The following ZDHHC14 variants were observed in gnomAD, a reference collection of about 807,000 sequenced individuals.
ZDHHC14 encodes palmitoyltransferase ZDHHC14.
Under a neutral mutation model 47.7 loss-of-function variants are expected in ZDHHC14, and 16 were observed. That is an observed-to-expected ratio of 0.34 (90% CI 0.23 to 0.51). The LOEUF (loss-of-function observed/expected upper bound fraction) is 0.51, where lower values mean the gene tolerates loss of function less well. ZDHHC14 is among the 20% of genes least tolerant of loss of function. ZDHHC14 has a pLI of 0.97. For missense variants in ZDHHC14, 515 were observed against 662.5 expected, an observed-to-expected ratio of 0.78 and a Z score of 2.44; for synonymous variants, 293 against 278.9, an observed-to-expected ratio of 1.05 and a Z score of -0.50.
intron 1 of ZDHHC14, among the ~76,000 whole-genome samples, chr6:157,387,902 G>C (rs888759301): frequency 6.6e-6 from 1 of 152,036 alleles, no homozygotes; most frequent in Non-Finnish European, 1.5e-5. Flanking sequence ...GTAAACCTCT[G>C]TACATTAATA....
intron 1 of ZDHHC14, among the ~76,000 whole-genome samples, chr6:157,513,213 C>T (rs530584340): frequency 6.6e-6 from 1 of 152,338 alleles, no homozygotes; most frequent in South Asian, 2.1e-4. Flanking sequence ...TTACTGTTCT[C>T]TGTAAGATGA....
At chr6:157,479,556 G>C (rs1313898353) in intron 1 of ZDHHC14, among the ~76,000 whole-genome samples, 1 of 152,164 alleles carries the variant, frequency 6.6e-6, no homozygotes, top group Middle Eastern at 3.2e-3. Flanking sequence ...TTTTCCACAG[G>C]AACAGCCCTC....
At chr6:157,535,332 T>C (rs1781508589) in intron 1 of ZDHHC14, among the ~76,000 whole-genome samples, 1 of 152,174 alleles carries the variant, frequency 6.6e-6, no homozygotes, top group African/African-American at 2.4e-5. Context: ...AAACCAGATT[T>C]CCTAAGTGAC....
At chr6:157,646,617 A>C (rs1242694958) in intron 6 of ZDHHC14, among the ~76,000 whole-genome samples, 5 of 151,356 alleles carry the variant, frequency 3.3e-5, no homozygotes, top group African/African-American at 9.7e-5. Flanking sequence ...CATCTCAAAA[A>C]AAAAAAAAAA....
In ZDHHC14 at chr6:157,427,706, T is replaced by C. The variant is rs1012796519; in HGVS notation, c.245+45440T>C. ...GTGGCTTGGATTTTCTTTTCAGAAA[T>C]GGCAGATGCGCTAGGGCTGTTCCTC... On this transcript the variant is annotated intron_variant, in intron 1 of 8. Coordinates refer to ENST00000359775, the MANE Select transcript of ZDHHC14 (RefSeq NM_024630.3). This position sits in a 1 kb window ranked among gnomAD's most constrained non-coding sequence, Gnocchi z 4.4. Among the ~76,000 whole-genome samples the C allele has an allele frequency of 2.0e-5, 3 of 152,072 alleles. No homozygotes were observed. The highest frequency in any genetic ancestry group is 2.9e-5 in the Non-Finnish European group (2 of 68,002).
intron 1 of ZDHHC14, among the ~76,000 whole-genome samples, chr6:157,522,085 T>TTG (rs1780936750): frequency 6.6e-6 from 1 of 151,764 alleles, no homozygotes; most frequent in African/African-American, 2.4e-5. Context: ...TGGTGGTGAA[T>TTG]TTGCCCTTCT....
At chr6:157,493,241 G>T (rs1345778456) in intron 1 of ZDHHC14, among the ~76,000 whole-genome samples, 1 of 152,244 alleles carries the variant, frequency 6.6e-6, no homozygotes, top group East Asian at 1.9e-4. Context: ...AAGGATGAAA[G>T]GGGGAGGCGG....
At chr6:157,532,318 T>A (rs1443209342) in intron 1 of ZDHHC14, among the ~76,000 whole-genome samples, 1 of 152,272 alleles carries the variant, frequency 6.6e-6, no homozygotes, top group Non-Finnish European at 1.5e-5. Flanking sequence ...TGTTGAGCAA[T>A]TCATTGCCAA....
intron 1 of ZDHHC14, among the ~76,000 whole-genome samples, chr6:157,389,093 A>G (rs1777372235): frequency 6.6e-6 from 1 of 152,064 alleles, no homozygotes; most frequent in African/African-American, 2.4e-5. Flanking sequence ...TGGATTTAAC[A>G]TAAGATAGCA....
At chr6:157,528,585 A>T (rs1781249224) in intron 1 of ZDHHC14, among the ~76,000 whole-genome samples, 1 of 152,064 alleles carries the variant, frequency 6.6e-6, no homozygotes, top group South Asian at 2.1e-4. Context: ...CAAAGAAATT[A>T]GCCAGGCGTG....
intron 1 of ZDHHC14, among the ~76,000 whole-genome samples, chr6:157,428,291 C>A (rs1778262523): frequency 6.6e-6 from 1 of 152,124 alleles, no homozygotes; most frequent in Non-Finnish European, 1.5e-5. Flanking sequence ...CTTGCCAGCT[C>A]CTCTGCCATA....
intron 1 of ZDHHC14, among the ~76,000 whole-genome samples, chr6:157,509,982 C>T (rs145147809): frequency 0.028 from 4,271 of 152,308 alleles, 178 homozygotes; most frequent in African/African-American, 0.097. Context: ...CGGTGGCTCA[C>T]GCCTGTAATC....
At chr6:157,481,180 A>T (rs1328328050) in intron 1 of ZDHHC14, among the ~76,000 whole-genome samples, 1 of 152,178 alleles carries the variant, frequency 6.6e-6, no homozygotes, top group Non-Finnish European at 1.5e-5. Context: ...TTTTCCATGT[A>T]AAACATGGAG....
At chr6:157,650,910 C>T (rs1285354318) in intron 7 of ZDHHC14, among the ~76,000 whole-genome samples, 1 of 152,166 alleles carries the variant, frequency 6.6e-6, no homozygotes, top group African/African-American at 2.4e-5. Flanking sequence ...TTTGGTCCCC[C>T]ACCAATGCTC....
At chr6:157,467,379 T>C (rs1779244415) in intron 1 of ZDHHC14, among the ~76,000 whole-genome samples, 1 of 152,114 alleles carries the variant, frequency 6.6e-6, no homozygotes, top group Admixed American at 6.5e-5. Context: ...TCTGTCTCTA[T>C]AGATTTGTCT....
intron 1 of ZDHHC14, among the ~76,000 whole-genome samples, chr6:157,477,608 C>A (rs944007368): frequency 3.3e-5 from 5 of 151,894 alleles, no homozygotes; most frequent in Admixed American, 3.3e-4. Flanking sequence ...ACATTTATTT[C>A]TTTTCTTTTA....
At chr6:157,605,775 A>G (rs549416686) in intron 3 of ZDHHC14, among the ~76,000 whole-genome samples, 3 of 152,202 alleles carry the variant, frequency 2.0e-5, no homozygotes, top group Non-Finnish European at 2.9e-5. Flanking sequence ...ATTGGTGTCA[A>G]CCGTGAATGA....
At chr6:157,383,877 C>T (rs1431802557) in intron 1 of ZDHHC14, among the ~76,000 whole-genome samples, 7 of 152,114 alleles carry the variant, frequency 4.6e-5, no homozygotes, top group Admixed American at 4.6e-4. Context: ...TCCCATGGGC[C>T]CCCATTGAGA....
intron 2 of ZDHHC14, among the ~76,000 whole-genome samples, chr6:157,588,740 G>C (rs1454952639): frequency 1.3e-5 from 2 of 152,160 alleles, no homozygotes; most frequent in Admixed American, 1.3e-4. Flanking sequence ...GAGTGTATTT[G>C]AGTACATAAT....
Sources: allele counts gnomAD v4.1 joint callset (sites outside exome capture counted in the v4.1 genomes callset), GRCh38; gene constraint gnomAD v4.1.1; non-coding constraint Gnocchi (gnomAD v3.1); transcripts MANE v1.5; gene names NCBI Gene and HGNC (gene_info 2026-07-23, HGNC 2026-07-21).